The following UPF3B variants were observed in gnomAD, a reference collection of about 807,000 sequenced individuals.
The protein encoded by UPF3B is regulator of nonsense transcripts 3B.
UPF3B carries 7 observed loss-of-function variants against 40.3 expected under a neutral mutation model. The observed-to-expected ratio is 0.17, with a 90% confidence interval of 0.10 to 0.33. UPF3B has a LOEUF of 0.33. Among genes scored for constraint, UPF3B ranks in the 10% least tolerant of loss-of-function variants. UPF3B has a pLI of 1.00. For synonymous variants in UPF3B, 117 were observed against 117.3 expected, an observed-to-expected ratio of 1.00 and a Z score of 0.01; for missense variants, 229 against 358.9, an observed-to-expected ratio of 0.64 and a Z score of 2.93.
At chrX:119,849,017 A>G (rs2056269101) in intron 3 of UPF3B, among the ~76,000 whole-genome samples, 1 of 112,171 alleles carries the variant, frequency 8.9e-6, no homozygotes, top group African/African-American at 3.2e-5. Context: ...TGGGAAAAAA[A>G]TTCACAAGCA....
At position 119,807,883 on chromosome X, in the gene UPF3B, A is replaced by G. The variant is rs761946142; in HGVS notation, c.603-302T>C. Among the ~76,000 whole-genome samples the G allele has an allele frequency of 5.4e-3, 607 of 111,650 alleles. 2 individuals carry two copies. Among genetic ancestry groups the G allele is most frequent in the Non-Finnish European group, 9.2e-3 (490 of 53,091 alleles). ...AATTGCAGCTCACTGCAGCCTCGAC[A>G]TTCCAGACTCAAGCGATCCTCCCAC... On this transcript the variant is annotated intron_variant, in intron 5 of 6. Coordinates refer to the UPF3B transcript ENST00000636792.
In UPF3B at chrX:119,834,519, A is replaced by G; in HGVS notation, c.*359T>C. On this transcript the variant is annotated 3_prime_UTR_variant, in exon 11 of 11. Coordinates refer to ENST00000276201, the MANE Select transcript of UPF3B (RefSeq NM_080632.3). ...CACCCAAATTCAGAAAATTCAATTC[A>G]GGATGAACAACAGCTTTTGATTTTA... The G allele has an allele frequency of 3.4e-6, 3 of 890,324 alleles. No individual in the cohort carries two copies. Among genetic ancestry groups the G allele is most frequent in the Non-Finnish European group, 4.1e-6 (3 of 724,251 alleles). The allele number at this position is 890,324 out of a possible 1,213,427, so 73.4% of individuals were successfully genotyped here.
At chrX:119,830,893 G>T (rs2056029851), downstream of UPF3B, among the ~76,000 whole-genome samples, 1 of 111,833 alleles carries the variant, frequency 8.9e-6, no homozygotes, top group Non-Finnish European at 1.9e-5. Flanking sequence ...AACAAGATCG[G>T]AACAAGACTT....
rs376175156 is a variant in UPF3B, at chrX:119,838,392, C to T, written c.982G>A (p.Glu328Lys). 7.4e-6 allele frequency: 9 copies of T among 1,211,703 alleles called. No homozygotes were observed. The highest frequency in any genetic ancestry group is 7.8e-6 in the Non-Finnish European group (7 of 895,459). ...CTCTTTGGTTTTTCATCTTTAAGTT[C>T]GCTATCAGAACGCTTGGGCAATGTA... ...SCTLPKRSDS[E>K]LKDEKPKRPE... The change falls in exon 9 of 11, where the codon GAA (glutamate) becomes AAA (lysine). Residue 328 changes from glutamate to lysine, a missense_variant. Glu to Lys is a moderately conservative substitution (Grantham distance 56, BLOSUM62 1). Transcript: ENST00000276201.
At chrX:119,846,738 T>C (rs747253401) in intron 3 of UPF3B, among the ~76,000 whole-genome samples, 2 of 110,493 alleles carry the variant, frequency 1.8e-5, no homozygotes, top group South Asian at 7.5e-4. Context: ...AAATATAAAG[T>C]ATATCTCTTA....
chrX:119,819,094 C>A (rs2055889759), intron 4 of UPF3B, among the ~76,000 whole-genome samples: 1 of 102,651 alleles, frequency 9.7e-6, no homozygotes, highest in Non-Finnish European at 2.0e-5. Context: ...CACTCTGTCA[C>A]CCAGGCTGGA....
At chrX:119,851,743 C>CCT (rs1371445026) in intron 2 of UPF3B, 24 bp downstream of exon 2, 2 of 505,659 alleles carry the variant, frequency 4.0e-6, no homozygotes, top group African/African-American at 2.2e-4. Flanking sequence ...TCATTTACCC[C>CCT]TTTCCTTTTT....
At chrX:119,825,760 T>C (rs925344691) in intron 3 of UPF3B, among the ~76,000 whole-genome samples, 1 of 111,944 alleles carries the variant, frequency 8.9e-6, no homozygotes, top group African/African-American at 3.2e-5. Context: ...AGTTTACAAA[T>C]GGATAACTTG....
chrX:119,811,956 GA>G (rs554554860), intron 5 of UPF3B, among the ~76,000 whole-genome samples: 1,111 of 100,432 alleles, frequency 0.011, 5 homozygotes, highest in Middle Eastern at 0.097. Context: ...TACCTCAAAA[GA>G]AAAAAAAAAA....
rs754839675 is a variant in UPF3B, at chrX:119,834,873, A to G, written c.*5T>C. On this transcript the variant is annotated 3_prime_UTR_variant, in exon 11 of 11. Transcript: ENST00000276201. ...AGTCAGGACACCTAAGGCCATCTGGACTTATCACTCCTCTCCTCCTTCTTT... is the reference window on the plus strand; with the variant it reads ...AGTCAGGACACCTAAGGCCATCTGGGCTTATCACTCCTCTCCTCCTTCTTT... 1 of 1,210,586 alleles carries G rather than the reference A, an allele frequency of 8.3e-7. No individual in the cohort carries two copies. The highest frequency in any genetic ancestry group is 1.1e-6 in the Non-Finnish European group (1 of 895,401).
At chrX:119,826,783 T>C (rs750211133) in intron 3 of UPF3B, among the ~76,000 whole-genome samples, 1 of 112,179 alleles carries the variant, frequency 8.9e-6, no homozygotes, top group East Asian at 2.8e-4. Context: ...TAACAGGAAG[T>C]GATACGTGGC....
downstream of UPF3B, among the ~76,000 whole-genome samples, chrX:119,832,997 T>A (rs1192767387): frequency 9.0e-6 from 1 of 111,603 alleles, no homozygotes; most frequent in Admixed American, 9.6e-5. Context: ...GCCCAAGTCA[T>A]CCTTTTTCAC....
intron 4 of UPF3B, among the ~76,000 whole-genome samples, chrX:119,815,803 C>T (rs184119971): frequency 1.2e-3 from 130 of 111,943 alleles, no homozygotes; most frequent in Non-Finnish European, 2.2e-3. Flanking sequence ...CCTGCATAGA[C>T]GAAGTTTCGC....
chrX:119,835,131 C>A lies in UPF3B; in HGVS notation c.1303-104G>T. ...GTATGAATATATGCTCAAGTGAAGT[C>A]ATTTAAGACCAAAAATGTGAGGGCA... On this transcript the variant is annotated intron_variant, in intron 10 of 10. Transcript: ENST00000276201. 3.1e-6 allele frequency: 3 copies of A among 957,111 alleles called. No individual in the cohort carries two copies. The East Asian group carries it at 9.4e-5, about 30-fold the overall frequency. The allele number at this position is 957,111 out of a possible 1,213,427, so 78.9% of individuals were successfully genotyped here. A position where few individuals can be genotyped will look rare whatever the true frequency, so the allele number is the denominator to read the frequency against.
At chrX:119,820,660 A>G (rs1313292119) in intron 4 of UPF3B, among the ~76,000 whole-genome samples, 246 of 78,110 alleles carry the variant, frequency 3.1e-3, no homozygotes, top group Middle Eastern at 0.026. Flanking sequence ...GTAGAGATGG[A>G]GTTTCACCAT....
chrX:119,813,452 G>A (rs1259143105), intron 5 of UPF3B, among the ~76,000 whole-genome samples: 1 of 111,065 alleles, frequency 9.0e-6, no homozygotes, highest in South Asian at 3.8e-4. Context: ...TTTACCTTCC[G>A]CTATGAGTAA....
rs188309973 is a variant in UPF3B at position 119,847,844 on chromosome X, T to C, written c.371-2548A>G. 8.1e-5 allele frequency among the ~76,000 whole-genome samples: 9 copies of C among 111,093 alleles called. No homozygotes were observed. In the East Asian group the frequency reaches 2.5e-3, roughly 31 times the overall value. Reference sequence around the variant, plus strand: ...TTTCTCGGTATATATCCAAAAGCAGTGAGAACAAGGACTCGAATATGTGCA... The same window carrying C: ...TTTCTCGGTATATATCCAAAAGCAGCGAGAACAAGGACTCGAATATGTGCA... On this transcript the variant is annotated intron_variant, in intron 3 of 10. Transcript: ENST00000276201.
chrX:119,843,061 G>T (rs1235142988), intron 5 of UPF3B, 130 bp downstream of exon 5: 1 of 499,497 alleles, frequency 2.0e-6, no homozygotes, highest in Non-Finnish European at 3.6e-6. Flanking sequence ...ATTACCATCT[G>T]CAATTTACAG....
At chrX:119,842,586 A>T (rs867572146) in intron 5 of UPF3B, among the ~76,000 whole-genome samples, 967 of 79,919 alleles carry the variant, frequency 0.012, 5 homozygotes, top group Middle Eastern at 0.069. Context: ...TCTCTCACAC[A>T]CACACACACA....
Sources: gnomAD v4.1 joint callset for allele counts (sites outside exome capture counted in the v4.1 genomes callset) on GRCh38, gnomAD v4.1.1 for gene constraint, MANE v1.5 for transcripts, NCBI Gene and HGNC (gene_info 2026-07-23, HGNC 2026-07-21) for gene names.